HMCN1: variants seen among roughly 807,000 people sequenced by gnomAD.
The protein encoded by HMCN1 is hemicentin-1.
Under a neutral mutation model 625.9 loss-of-function variants are expected in HMCN1, and 321 were observed. That is an observed-to-expected ratio of 0.51 (90% CI 0.47 to 0.56). HMCN1 has a LOEUF of 0.56. HMCN1 is among the 20% of genes least tolerant of loss of function. The pLI is 0.00. For missense variants in HMCN1, 6,588 were observed against 6,887.3 expected (o/e 0.96, Z 1.54); for synonymous variants, 2,425 against 2,417.6 (o/e 1.00, Z -0.09).
chr1:185,749,265 TGCTTGGAAAAGTCTATTACAA>T (rs1296947832), intron 1 of HMCN1, among the ~76,000 whole-genome samples: 1 of 152,234 alleles, frequency 6.6e-6, no homozygotes, highest in Non-Finnish European at 1.5e-5. Flanking sequence ...AGTTTAATTG[TGCTTGGAAAAGTCTATTACAA>T]GGGTAGAGTT....
At chr1:185,970,208 G>C in intron 14 of HMCN1, 127 bp from the exon 15 acceptor site, 1 of 843,924 alleles carries the variant, frequency 1.2e-6, no homozygotes, top group South Asian at 1.3e-5. Flanking sequence ...TGTCTATGTT[G>C]TGCCAAACAC....
At chr1:185,967,345 G>A (rs1477166141) in intron 14 of HMCN1, among the ~76,000 whole-genome samples, 2 of 151,996 alleles carry the variant, frequency 1.3e-5, no homozygotes, top group African/African-American at 4.8e-5. Context: ...AGAGGAAATA[G>A]GGAACTAGGT....
chr1:186,115,360 A>G lies in HMCN1; in HGVS notation c.11507A>G (p.Asn3836Ser), dbSNP rs767569555. Residue 3836 changes from asparagine (N) to serine (S), a missense_variant, in exon 75 of 107, where the codon AAT (asparagine) becomes AGT (serine). This residue lies in a region of HMCN1 where 4,628 missense variants were observed against 4,853.1 expected (regional missense o/e 0.95). Coordinates refer to ENST00000271588, the MANE Select transcript of HMCN1 (RefSeq NM_031935.3). Reference protein sequence around the residue: ...EATGIPKPSINWRKNGHLLNV... With the variant: ...EATGIPKPSISWRKNGHLLNV... ...ACTGGGATACCAAAACCATCAATCA[A>G]TTGGAGAAAAAATGGGCATCTTCTT... 8 of 1,614,012 alleles carry G rather than the reference A, an allele frequency of 5.0e-6. No homozygotes were observed. The highest frequency in any genetic ancestry group is 1.3e-5 in the African/African-American group (1 of 75,044).
chr1:185,745,624 G>A (rs1400621155), intron 1 of HMCN1, among the ~76,000 whole-genome samples: 1 of 152,106 alleles, frequency 6.6e-6, no homozygotes, highest in African/African-American at 2.4e-5. Context: ...AAAATATTCT[G>A]ACAGTGTCAA....
chr1:186,000,542 G>GGGGTGT (rs1441494066), intron 26 of HMCN1, among the ~76,000 whole-genome samples: 5 of 127,152 alleles, frequency 3.9e-5, no homozygotes, highest in African/African-American at 1.7e-4. Context: ...CAGCGTGTAG[G>GGGGTGT]GTGTGTGTGT....
At chr1:185,849,624 A>G (rs114104369) in intron 2 of HMCN1, among the ~76,000 whole-genome samples, 1 of 152,200 alleles carries the variant, frequency 6.6e-6, no homozygotes, top group South Asian at 2.1e-4. Flanking sequence ...GGATCTGCAC[A>G]TAGTAATGAG....
chr1:186,158,858 G>C (rs1482254362), intron 97 of HMCN1, among the ~76,000 whole-genome samples: 1 of 151,780 alleles, frequency 6.6e-6, no homozygotes. Context: ...ATAGTTTGAA[G>C]TCAGGTAGCG....
intron 1 of HMCN1, among the ~76,000 whole-genome samples, chr1:185,819,312 T>G: frequency 6.6e-6 from 1 of 152,170 alleles, no homozygotes; most frequent in East Asian, 1.9e-4. Context: ...TCTTTATGTC[T>G]TTTTCTAAAC....
Position 186,189,725 on chromosome 1 carries a change from A to T in HMCN1, c.16755A>T (p.Glu5585Asp). The change falls in exon 107 of 107, where the codon GAA (glutamate) becomes GAT (aspartate). Residue 5585 changes from glutamate to aspartate, a missense_variant. Transcript: ENST00000271588. ...EQTVPFALRD[E>D]NLKGVVYTTR... ...CTGTTCCTTTTGCCTTGAGGGATGA[A>T]AACCTGAAAGGAGTGGTGTATACAA... 6.2e-7 allele frequency: 1 copy of T among 1,613,544 alleles called. No homozygotes were observed. Among genetic ancestry groups the T allele is most frequent in the Non-Finnish European group, 8.5e-7 (1 of 1,179,632 alleles).
At chr1:185,995,474 T>C (rs999131930) in intron 24 of HMCN1, among the ~76,000 whole-genome samples, 1 of 152,084 alleles carries the variant, frequency 6.6e-6, no homozygotes, top group Admixed American at 6.6e-5. Context: ...TACTTCTCTA[T>C]TAATACTGTA....
intron 1 of HMCN1, among the ~76,000 whole-genome samples, chr1:185,752,804 G>A (rs1307938245): frequency 6.6e-6 from 1 of 152,022 alleles, no homozygotes; most frequent in Non-Finnish European, 1.5e-5. Flanking sequence ...CTACTTTCCT[G>A]GCAATAGAAA....
At position 185,995,064 on chromosome 1, in the gene HMCN1, CAG is replaced by C. The variant is rs1461614882; in HGVS notation, c.3759_3760del (p.Glu1253AspfsTer19). 6.2e-7 allele frequency: 1 copy of C among 1,613,638 alleles called. No homozygotes were observed. The highest frequency in any genetic ancestry group is 8.5e-7 in the Non-Finnish European group (1 of 1,179,700). ...ACTAACATAGCAGGCACTGATGAAACAGAGATAACGCTACATGTCCAAGGTGA... is the reference window on the plus strand; with the variant it reads ...ACTAACATAGCAGGCACTGATGAAACAGATAACGCTACATGTCCAAGGTGA... On this transcript the variant is annotated frameshift_variant, in exon 24 of 107. Transcript: ENST00000271588. LOFTEE classifies it high-confidence loss of function.
chr1:185,893,051 C>G (rs946553682), intron 4 of HMCN1, among the ~76,000 whole-genome samples: 3 of 152,202 alleles, frequency 2.0e-5, no homozygotes, highest in African/African-American at 7.2e-5. Context: ...GCGCAGTATT[C>G]GGGTGCAAGT....
intron 89 of HMCN1, among the ~76,000 whole-genome samples, chr1:186,140,544 T>C (rs1649892087): frequency 6.6e-6 from 1 of 152,198 alleles, no homozygotes; most frequent in Non-Finnish European, 1.5e-5. Flanking sequence ...TCTTCACTTG[T>C]TTAAGGTAGT....
In HMCN1 at chr1:186,061,960, A is replaced by G; in HGVS notation, c.7422A>G (p.Val2474=). 3 of 1,576,730 alleles carry G rather than the reference A, an allele frequency of 1.9e-6. No individual in the cohort carries two copies. The highest frequency in any genetic ancestry group is 1.7e-6 in the Non-Finnish European group (2 of 1,146,528). The change falls in exon 47 of 107, where the codon GTA becomes GTG. Residue 2474 remains valine (V), a synonymous_variant. Transcript: ENST00000271588. The part of the protein sequence containing the change: ...GEERKIFGLS[V]LVPPHIVGEN... ...AAAGAAAAATCTTTGGGCTTTCAGT[A>G]TTAGGTACTTATATAGTTTGCAATA... is the stretch of plus-strand genomic sequence containing the variant.
chr1:186,101,120 C>T (rs1660364456), intron 68 of HMCN1, among the ~76,000 whole-genome samples: 1 of 151,106 alleles, frequency 6.6e-6, no homozygotes, highest in Non-Finnish European at 1.5e-5. Context: ...GTCTGTTAAT[C>T]AGAAAGAAAT....
intron 1 of HMCN1, among the ~76,000 whole-genome samples, chr1:185,812,009 A>G (rs887726726): frequency 1.3e-5 from 2 of 152,206 alleles, no homozygotes; most frequent in Non-Finnish European, 2.9e-5. Context: ...TTTCCTTTCA[A>G]CTTAAGGCAG....
chr1:186,076,476 C>T lies in HMCN1; in HGVS notation c.8339C>T (p.Thr2780Ile). The change falls in exon 54 of 107, where the codon ACT becomes ATT. Residue 2780 changes from threonine (T) to isoleucine (I), a missense_variant. Physicochemically the swap from Thr to Ile is moderately conservative, Grantham distance 89. Coordinates refer to ENST00000271588, the MANE Select transcript of HMCN1 (RefSeq NM_031935.3). ...TGGGAAATAGGAAACATGCTAGATA[C>T]TGGCAGGAATGGTGAAGCCAAAGAT... ...KLWEIGNMLD[T>I]GRNGEAKDVI... The T allele has an allele frequency of 6.2e-7, 1 of 1,613,740 alleles. No individual in the cohort carries two copies. The highest frequency in any genetic ancestry group is 8.5e-7 in the Non-Finnish European group (1 of 1,179,796).
chr1:185,794,273 T>A (rs1658206783), intron 1 of HMCN1, among the ~76,000 whole-genome samples: 1 of 151,974 alleles, frequency 6.6e-6, no homozygotes, highest in Non-Finnish European at 1.5e-5. Flanking sequence ...TTTAGCTAAG[T>A]TTTATTGAAT....
Sources: allele counts gnomAD v4.1 joint callset (sites outside exome capture counted in the v4.1 genomes callset), GRCh38; gene constraint gnomAD v4.1.1; regional missense constraint gnomAD v4.1.1; transcripts MANE v1.5; gene names NCBI Gene and HGNC (gene_info 2026-07-23, HGNC 2026-07-21).